Variants in STK33 observed in about 807,000 individuals in gnomAD.
STK33 encodes serine/threonine kinase 33.
Under a neutral mutation model 58.0 loss-of-function variants are expected in STK33, and 52 were observed. The observed-to-expected ratio is 0.90, with a 90% confidence interval of 0.72 to 1.13. STK33 has a LOEUF of 1.13. STK33 is among the 50% of genes most tolerant of loss of function. STK33 has a pLI of 0.00. For synonymous variants in STK33, 215 were observed against 200.1 expected (o/e 1.07, Z -0.63); for missense variants, 630 against 604.2 (o/e 1.04, Z -0.45).
chr11:8,419,008 A>C (rs146148031), intron 14 of STK33, among the ~76,000 whole-genome samples: 3,079 of 152,022 alleles, frequency 0.02, 46 homozygotes, highest in East Asian at 0.056. Flanking sequence ...TTAGATGCAT[A>C]GTTTGCAAAT....
At chr11:8,516,776 G>A (rs1952831049) in intron 1 of STK33, among the ~76,000 whole-genome samples, 1 of 152,218 alleles carries the variant, frequency 6.6e-6, no homozygotes, top group Non-Finnish European at 1.5e-5. Context: ...GTGGCAGCAA[G>A]GCTGGGGGAG....
At chr11:8,448,508 A>G (rs1032933806) in intron 11 of STK33, among the ~76,000 whole-genome samples, 2 of 152,200 alleles carry the variant, frequency 1.3e-5, no homozygotes, top group Admixed American at 6.5e-5. Context: ...TCTTTGACAA[A>G]CCTGACAAAA....
chr11:8,551,649 C>T (rs1956308880), intron 1 of STK33, among the ~76,000 whole-genome samples: 1 of 152,144 alleles, frequency 6.6e-6, no homozygotes, highest in Admixed American at 6.5e-5. Flanking sequence ...CATATCGGAA[C>T]TTAAACGCTG....
At chr11:8,384,343 C>T in the STK33 span, among the ~76,000 whole-genome samples, 1 of 152,300 alleles carries the variant, frequency 6.6e-6, no homozygotes, top group African/African-American at 2.4e-5. Context: ...CATGGTCTTG[C>T]GGTAATGCCA....
At chr11:8,529,039 T>C (rs1009944539) in intron 1 of STK33, among the ~76,000 whole-genome samples, 1 of 152,248 alleles carries the variant, frequency 6.6e-6, no homozygotes, top group African/African-American at 2.4e-5. Context: ...AGTATGGCTA[T>C]ATGGCTTGCC....
chr11:8,566,464 AC>A (rs751537800), intron 1 of STK33, among the ~76,000 whole-genome samples: 3 of 152,244 alleles, frequency 2.0e-5, no homozygotes, highest in Non-Finnish European at 4.4e-5. Context: ...AATCTGAAGT[AC>A]TAGTAACACA....
At position 8,575,998 on chromosome 11, in the gene STK33, G is replaced by C. The variant is rs145589246; in HGVS notation, c.-466+18085C>G. 7.7e-3 allele frequency among the ~76,000 whole-genome samples: 1,165 copies of C among 152,202 alleles called. 18 individuals carry two copies. The highest frequency in any genetic ancestry group is 0.026 in the African/African-American group (1,070 of 41,516). ...TTCCTCACCAAGGGATATTAAGAGG[G>C]AGATATTAAGAAGACTAACTCAATC... On this transcript the variant is annotated intron_variant, in intron 1 of 15. Transcript: ENST00000687296.
At chr11:8,404,268 ATCTT>A (rs1243726278) in intron 15 of STK33, among the ~76,000 whole-genome samples, 1 of 152,226 alleles carries the variant, frequency 6.6e-6, no homozygotes, top group Non-Finnish European at 1.5e-5. Context: ...AAATATAAAT[ATCTT>A]TCTTTTCTTT....
intron 1 of STK33, among the ~76,000 whole-genome samples, chr11:8,542,716 G>C (rs961869832): frequency 1.3e-5 from 2 of 151,368 alleles, no homozygotes; most frequent in African/African-American, 4.8e-5. Context: ...TAAATGAAAA[G>C]ATTTAGTTTG....
intron 15 of STK33, among the ~76,000 whole-genome samples, chr11:8,405,522 G>T (rs11041909): frequency 2.0e-5 from 2 of 99,434 alleles, no homozygotes; most frequent in Non-Finnish European, 4.2e-5. Flanking sequence ...CCTGTCTGTG[G>T]CTTATTTTTT....
At chr11:8,462,817 C>T (rs946222237) in intron 7 of STK33, among the ~76,000 whole-genome samples, 1 of 152,112 alleles carries the variant, frequency 6.6e-6, no homozygotes, top group East Asian at 1.9e-4. Context: ...TCCACCCTCA[C>T]CATCACCGCC....
intron 14 of STK33, among the ~76,000 whole-genome samples, chr11:8,434,606 A>C (rs2136234593): frequency 9.5e-6 from 1 of 105,798 alleles, no homozygotes; most frequent in Non-Finnish European, 1.9e-5. Flanking sequence ...TGAAGGATTC[A>C]CATGGCAGCT....
chr11:8,507,695 T>C (rs1443777505), intron 1 of STK33, among the ~76,000 whole-genome samples: 1 of 152,150 alleles, frequency 6.6e-6, no homozygotes, highest in East Asian at 1.9e-4. Flanking sequence ...CAGAAATTGA[T>C]TGGGTAAACA....
the STK33 span, among the ~76,000 whole-genome samples, chr11:8,336,205 C>G: frequency 6.6e-6 from 1 of 152,234 alleles, no homozygotes; most frequent in Non-Finnish European, 1.5e-5. Flanking sequence ...CCCCACCTGG[C>G]CCGGGCCTCT....
At chr11:8,571,081 T>C (rs912120980) in intron 1 of STK33, among the ~76,000 whole-genome samples, 7 of 152,146 alleles carry the variant, frequency 4.6e-5, no homozygotes, top group African/African-American at 1.2e-4. Flanking sequence ...AGTTCCATGA[T>C]TGCACCAGTT....
chr11:8,513,450 A>G (rs767750419), intron 1 of STK33, among the ~76,000 whole-genome samples: 1 of 152,186 alleles, frequency 6.6e-6, no homozygotes, highest in Non-Finnish European at 1.5e-5. Flanking sequence ...GGTTTTGTCT[A>G]TAGTGCTACT....
chr11:8,340,029 C>T, the STK33 span, among the ~76,000 whole-genome samples: 1 of 152,250 alleles, frequency 6.6e-6, no homozygotes, highest in Non-Finnish European at 1.5e-5. Context: ...CCTTGTTGAG[C>T]AGCTGAGGGC....
chr11:8,413,445 T>A (rs1257517988), intron 15 of STK33, 50 bp downstream of exon 15: 2 of 1,591,240 alleles, frequency 1.3e-6, no homozygotes, highest in Admixed American at 3.4e-5. Context: ...GTTCCAGGTG[T>A]GGTGAGGGTA....
chr11:8,368,113 C>A, the STK33 span, among the ~76,000 whole-genome samples: 1 of 152,118 alleles, frequency 6.6e-6, no homozygotes, highest in East Asian at 1.9e-4. Context: ...ATCCTCCCTG[C>A]CCATCACACC....
Sources: gnomAD v4.1 joint callset for allele counts (sites outside exome capture counted in the v4.1 genomes callset) on GRCh38, gnomAD v4.1.1 for gene constraint, MANE v1.5 for transcripts, NCBI Gene and HGNC (gene_info 2026-07-23, HGNC 2026-07-21) for gene names.